The following TRIM38 variants were observed in gnomAD, a reference collection of about 807,000 sequenced individuals.
TRIM38 encodes the protein E3 ubiquitin-protein ligase TRIM38.
In TRIM38, 35 loss-of-function variants were observed where a neutral mutation model predicts 35.8. That is an observed-to-expected ratio of 0.98 (90% CI 0.75 to 1.30). The LOEUF is 1.30. TRIM38 is among the 50% of genes most tolerant of loss of function. The pLI, the probability that TRIM38 is intolerant of heterozygous loss-of-function variation, is 0.00. For missense variants in TRIM38, 545 were observed against 556.9 expected (o/e 0.98, Z 0.21); for synonymous variants, 198 against 204.7 (o/e 0.97, Z 0.28).
intron 3 of TRIM38, among the ~76,000 whole-genome samples, chr6:25,967,884 G>A (rs1760112027): frequency 6.6e-6 from 1 of 152,036 alleles, no homozygotes; most frequent in African/African-American, 2.4e-5. Context: ...CAAACTATCC[G>A]TATAAGAAAG....
At position 25,983,689 on chromosome 6, in the gene TRIM38, G is replaced by T; in HGVS notation, c.*2G>T. ...TTTCTGCCTCCCCCAGGTGACTAAG[G>T]AAAAGAGCAGAAGCTCCTTGGTTTA... On this transcript the variant is annotated 3_prime_UTR_variant, in exon 8 of 8. Transcript: ENST00000357085. The T allele has an allele frequency of 6.4e-7, 1 of 1,565,244 alleles. No homozygotes were observed. Among genetic ancestry groups the T allele is most frequent in the Non-Finnish European group, 8.6e-7 (1 of 1,160,316 alleles).
At position 25,985,337 on chromosome 6, in the gene TRIM38, C is replaced by T. The variant is rs1456482024; in HGVS notation, c.*1650C>T. 6.7e-6 allele frequency: 1 copy of T among 149,464 alleles called. No homozygotes were observed. Among genetic ancestry groups the T allele is most frequent in the Non-Finnish European group, 1.5e-5 (1 of 67,454 alleles). 9.3% of individuals were successfully genotyped at this position (149,464 alleles called of 1,614,324 possible). On this transcript the variant is annotated 3_prime_UTR_variant, in exon 8 of 8. Transcript: ENST00000357085. ...AGGGAAAGAAAAAGTTGCCTTCCCA[C>T]AATTTACTGCACTAGAAACTCAAAG...
rs1554142293 is a variant in TRIM38, at chr6:25,971,891, A to G, written c.530A>G (p.Gln177Arg). 4 of 1,614,150 alleles carry G rather than the reference A, an allele frequency of 2.5e-6. No homozygotes were observed. The highest frequency in any genetic ancestry group is 1.7e-6 in the Non-Finnish European group (2 of 1,179,966). ...KWKEKVQIQR[Q>R]KIRSDFKNLQ... Reference sequence around the variant, plus strand: ...CAGGAGAAGGTACAGATTCAGAGACAAAAAATCCGGTCTGACTTTAAGAAT... The same window carrying G: ...CAGGAGAAGGTACAGATTCAGAGACGAAAAATCCGGTCTGACTTTAAGAAT... The change falls in exon 5 of 8, where the codon CAA becomes CGA. Residue 177 changes from glutamine to arginine, a missense_variant. By Grantham distance (43) the Gln-to-Arg change is conservative (BLOSUM62 1). Coordinates refer to ENST00000357085, the MANE Select transcript of TRIM38 (RefSeq NM_006355.5).
chr6:25,973,443 C>T (rs1760301381), intron 7 of TRIM38, 158 bp downstream of exon 7: 2 of 985,154 alleles, frequency 2.0e-6, no homozygotes, highest in Non-Finnish European at 1.2e-6. Flanking sequence ...TGATTCACTG[C>T]TCAGTGAATG....
At chr6:25,982,524 C>T (rs1333082452) in intron 7 of TRIM38, among the ~76,000 whole-genome samples, 4 of 152,142 alleles carry the variant, frequency 2.6e-5, no homozygotes, top group East Asian at 1.9e-4. Context: ...CCTTTGACCC[C>T]GCCGGACTTT....
rs1307923843 is a variant in TRIM38, at chr6:25,987,063, C to T, written c.*3376C>T. 1 of 151,978 alleles carries T rather than the reference C, an allele frequency of 6.6e-6. No homozygotes were observed. Among genetic ancestry groups the T allele is most frequent in the Non-Finnish European group, 1.5e-5 (1 of 67,994 alleles). 9.4% of individuals were successfully genotyped at this position (151,978 alleles called of 1,614,324 possible). ...TAGTTGGCTGAAAATCAGGAGTTCT[C>T]ATATTAAAAAACAGAGAAGGGACAT... is the stretch of plus-strand genomic sequence containing the variant. On this transcript the variant is annotated 3_prime_UTR_variant, in exon 8 of 8. Coordinates refer to ENST00000357085, the MANE Select transcript of TRIM38 (RefSeq NM_006355.5).
rs1282392083 is a variant in TRIM38 at position 25,989,132 on chromosome 6, G to T, written c.*5445G>T. 6.6e-6 allele frequency: 1 copy of T among 152,138 alleles called. No homozygotes were observed. The allele number at this position is 152,138 out of a possible 1,614,324, so 9.4% of individuals were successfully genotyped here. On this transcript the variant is annotated 3_prime_UTR_variant, in exon 8 of 8. Coordinates refer to ENST00000357085, the MANE Select transcript of TRIM38 (RefSeq NM_006355.5). ...CAGTGGTATCTACTTGTTTTAATTT[G>T]CAGTTCCCTAATGACATGATGTCAA...
Position 25,972,060 on chromosome 6 carries a change from G to A in TRIM38, c.699G>A (p.Leu233=), listed in dbSNP as rs1468124802. The A allele has an allele frequency of 6.2e-7, 1 of 1,614,170 alleles. No homozygotes were observed. The highest frequency in any genetic ancestry group is 8.5e-7 in the Non-Finnish European group (1 of 1,180,012). The change falls in exon 5 of 8, where the codon CTG becomes CTA. Residue 233 remains leucine (L), a synonymous_variant. Coordinates refer to ENST00000357085, the MANE Select transcript of TRIM38 (RefSeq NM_006355.5). ...AACTCAAGAGCCACATCCTGGAACTGGAGGAAAAATGTCAGGGCTCAGCCC... is the reference window on the plus strand; with the variant it reads ...AACTCAAGAGCCACATCCTGGAACTAGAGGAAAAATGTCAGGGCTCAGCCC... ...SNELKSHILE[L]EEKCQGSAQK... is the part of the protein sequence containing the mutation.
Position 25,983,373 on chromosome 6 carries a change from G to A in TRIM38, c.1084G>A (p.Gly362Arg), listed in dbSNP as rs1760618231. Reference protein sequence around the residue: ...DVGEGTGWDLGVCMENVQRGT... With the variant: ...DVGEGTGWDLRVCMENVQRGT... ...TGGCGAAGGAACCGGATGGGATTTA[G>A]GAGTTTGTATGGAAAATGTGCAGAG... Residue 362 changes from glycine to arginine, a missense_variant, in exon 8 of 8, where the codon GGA (glycine) becomes AGA (arginine). By Grantham distance (125) the Gly-to-Arg change is moderately radical. Coordinates refer to ENST00000357085, the MANE Select transcript of TRIM38 (RefSeq NM_006355.5). The A allele has an allele frequency of 6.2e-7, 1 of 1,614,112 alleles. No homozygotes were observed. The highest frequency in any genetic ancestry group is 8.5e-7 in the Non-Finnish European group (1 of 1,179,992).
rs1485342720 is a variant in TRIM38 at position 25,989,526 on chromosome 6, T to TTTTTTTTTTTTTTTTTTTTG, written c.*5847_*5848insTTTTTTTTTTTGTTTTTTTT. The TTTTTTTTTTTTTTTTTTTTG allele has an allele frequency of 6.8e-6, 1 of 147,246 alleles. No individual in the cohort carries two copies. The highest frequency in any genetic ancestry group is 2.5e-5 in the African/African-American group (1 of 40,258). The allele number at this position is 147,246 out of a possible 1,614,324, so 9.1% of individuals were successfully genotyped here. The stretch of plus-strand genomic sequence containing the variant: ...TCTTGTATTCTTTTTTTTTTTTTTT[T>TTTTTTTTTTTTTTTTTTTTG]TTTTTTTTAATAGAGACGGGTCTTG... On this transcript the variant is annotated 3_prime_UTR_variant, in exon 8 of 8. Coordinates refer to ENST00000357085, the MANE Select transcript of TRIM38 (RefSeq NM_006355.5).
In TRIM38 at chr6:25,975,151, T is replaced by TG. The variant is rs1760355458; in HGVS notation, c.874+1869dup. The TG allele has an allele frequency of 5.1e-6, 5 of 976,680 alleles. No homozygotes were observed. The South Asian group carries it at 2.4e-4, about 46-fold the overall frequency. The allele number at this position is 976,680 out of a possible 1,614,324, so 60.5% of individuals were successfully genotyped here. On this transcript the variant is annotated intron_variant, in intron 7 of 7. Coordinates refer to ENST00000357085, the MANE Select transcript of TRIM38 (RefSeq NM_006355.5). ...GGGTCAAGTGAAACTATTTCTTAAA[T>TG]GGGCTTATCTTTTAACTAAATATTT...
chr6:25,972,803 A>G (rs527902596), intron 5 of TRIM38, among the ~76,000 whole-genome samples: 16 of 152,342 alleles, frequency 1.1e-4, no homozygotes, highest in Admixed American at 2.6e-4. Flanking sequence ...ATGAGAATAG[A>G]TGCAAATGTT....
chr6:25,968,381 G>A (rs1052480654), intron 3 of TRIM38, among the ~76,000 whole-genome samples: 2 of 152,244 alleles, frequency 1.3e-5, no homozygotes, highest in Middle Eastern at 3.4e-3. Context: ...TTTTGGGCAC[G>A]TTACTTAATG....
At chr6:25,973,467 A>T (rs900707495) in intron 7 of TRIM38, 182 bp downstream of exon 7, 1 of 985,318 alleles carries the variant, frequency 1.0e-6, no homozygotes, top group Non-Finnish European at 1.2e-6. Flanking sequence ...TGAGCATTGC[A>T]TTCTGGTTAT....
rs971370106 is a variant in TRIM38 at position 25,963,420 on chromosome 6, G to C, written c.-189+138G>C. 2.6e-5 allele frequency: 4 copies of C among 152,144 alleles called. 1 individual carries two copies. Among genetic ancestry groups the C allele is most frequent in the African/African-American group, 2.4e-5 (1 of 41,478 alleles). 9.4% of individuals were successfully genotyped at this position (152,144 alleles called of 1,614,324 possible). A position where few individuals can be genotyped will look rare whatever the true frequency, so the allele number is the denominator to read the frequency against. On this transcript the variant is annotated intron_variant, in intron 2 of 7. Coordinates refer to ENST00000357085, the MANE Select transcript of TRIM38 (RefSeq NM_006355.5). ...GGGAGGGATCGGGGGTACAGGGAGAGCCCAGCTAGGTTCTCAGAAGAGGCA... is the reference window on the plus strand; with the variant it reads ...GGGAGGGATCGGGGGTACAGGGAGACCCCAGCTAGGTTCTCAGAAGAGGCA...
chr6:25,990,851 CA>C lies in TRIM38; in HGVS notation c.*7165del, dbSNP rs1760814556. ...TATTATTTATTTCACACCAGGCCAT[CA>C]CTGTGATACATTTTTTAAAACACAT... On this transcript the variant is annotated 3_prime_UTR_variant, in exon 8 of 8. Transcript: ENST00000357085. The C allele has an allele frequency of 6.6e-6, 1 of 152,074 alleles. No individual in the cohort carries two copies. The highest frequency in any genetic ancestry group is 6.5e-5 in the Admixed American group (1 of 15,272). The allele number at this position is 152,074 out of a possible 1,614,324, so 9.4% of individuals were successfully genotyped here.
At chr6:25,974,489 A>G (rs1407294814) in intron 7 of TRIM38, among the ~76,000 whole-genome samples, 1 of 152,226 alleles carries the variant, frequency 6.6e-6, no homozygotes, top group African/African-American at 2.4e-5. Context: ...GGTCAGAAGC[A>G]ATTCATAAGC....
intron 5 of TRIM38, 127 bp downstream of exon 5, chr6:25,972,226 CT>C (rs1760258619): frequency 2.4e-6 from 2 of 825,190 alleles, no homozygotes; most frequent in East Asian, 5.4e-5. Flanking sequence ...TCAGGCTGGC[CT>C]TCACTAATTT....
chr6:25,987,216 C>CCG lies in TRIM38; in HGVS notation c.*3529_*3530insCG. 7.0e-6 allele frequency: 1 copy of CCG among 143,598 alleles called. No individual in the cohort carries two copies. Among genetic ancestry groups the CCG allele is most frequent in the African/African-American group, 2.6e-5 (1 of 39,158 alleles). The allele number at this position is 143,598 out of a possible 1,614,324, so 8.9% of individuals were successfully genotyped here. On this transcript the variant is annotated 3_prime_UTR_variant, in exon 8 of 8. Transcript: ENST00000357085. ...ACAAAGGTACTCCCCGCCCCCCGCC[C>CCG]GCCACACACCATCCCCAAAAGGAAA... is the stretch of plus-strand genomic sequence containing the variant.
Sources: allele counts gnomAD v4.1 joint callset (sites outside exome capture counted in the v4.1 genomes callset), GRCh38; gene constraint gnomAD v4.1.1; transcripts MANE v1.5; gene names NCBI Gene and HGNC (gene_info 2026-07-23, HGNC 2026-07-21).